FUT8: variants seen among roughly 807,000 people sequenced by gnomAD.
FUT8 encodes fucosyltransferase 8, also known as alpha-(1,6)-fucosyltransferase.
A neutral mutation model predicts 71.3 loss-of-function variants in FUT8; 29 were observed. The ratio of observed to expected loss-of-function variants is 0.41; its 90% CI spans 0.30 to 0.55. The LOEUF (loss-of-function observed/expected upper bound fraction) is 0.55. Among genes scored for constraint, FUT8 ranks in the 20% least tolerant of loss-of-function variants. The probability of loss-of-function intolerance (pLI) is 0.34; values close to 1 mark genes in which losing one functional copy is unlikely to be tolerated. For synonymous variants in FUT8, 254 were observed against 239.3 expected (o/e 1.06, Z -0.57); for missense variants, 544 against 702.1 (o/e 0.77, Z 2.55).
intron 2 of FUT8, among the ~76,000 whole-genome samples, chr14:65,541,107 T>G (rs1884654382): frequency 6.6e-6 from 1 of 152,238 alleles, no homozygotes; most frequent in Admixed American, 6.5e-5. Context: ...TCAAGTGTCT[T>G]ATCTCAAAAT....
At chr14:65,531,280 A>G (rs1883939062) in intron 2 of FUT8, among the ~76,000 whole-genome samples, 1 of 152,006 alleles carries the variant, frequency 6.6e-6, no homozygotes, top group South Asian at 2.1e-4. Context: ...TTCATTCTTT[A>G]TTATTTAGTG....
chr14:65,403,527 C>T, the FUT8 span, among the ~76,000 whole-genome samples: 1 of 152,196 alleles, frequency 6.6e-6, no homozygotes, highest in Non-Finnish European at 1.5e-5. Context: ...GACAGATAGG[C>T]AGGATCTCTG....
At chr14:65,512,956 T>TCCAAGA (rs1882461655) in intron 2 of FUT8, among the ~76,000 whole-genome samples, 1 of 151,710 alleles carries the variant, frequency 6.6e-6, no homozygotes, top group South Asian at 2.1e-4. Context: ...TCTTTCCCAT[T>TCCAAGA]CCAAGACCAT....
chr14:65,391,972 G>A, the FUT8 span, among the ~76,000 whole-genome samples: 7 of 152,108 alleles, frequency 4.6e-5, no homozygotes, highest in African/African-American at 1.4e-4. Context: ...TGCTCTTGTT[G>A]GCCAGGCTGG....
intron 5 of FUT8, chr14:65,616,985 G>T: frequency 1.6e-6 from 2 of 1,252,928 alleles, no homozygotes; most frequent in South Asian, 1.6e-5. Flanking sequence ...AAAACATTTT[G>T]GTGCTGTTGT....
chr14:65,532,521 T>C (rs1348477007), intron 2 of FUT8, among the ~76,000 whole-genome samples: 1 of 152,166 alleles, frequency 6.6e-6, no homozygotes, highest in South Asian at 2.1e-4. Context: ...CTTATAGATG[T>C]TGGAAATTAG....
At chr14:65,668,696 A>G (rs993069472) in intron 6 of FUT8, among the ~76,000 whole-genome samples, 2 of 152,230 alleles carry the variant, frequency 1.3e-5, no homozygotes, top group Non-Finnish European at 2.9e-5. Flanking sequence ...CCAAAGGAAT[A>G]TAAATCATTC....
rs576551974 is a variant in FUT8, at chr14:65,627,216, T to C, written c.483-2276T>C. 6.6e-6 allele frequency among the ~76,000 whole-genome samples: 1 copy of C among 151,982 alleles called. No individual in the cohort carries two copies. Among genetic ancestry groups the C allele is most frequent in the Non-Finnish European group, 1.5e-5 (1 of 67,992 alleles). On this transcript the variant is annotated intron_variant, in intron 5 of 10. Coordinates refer to ENST00000673929, the MANE Select transcript of FUT8 (RefSeq NM_001371533.1). This position sits in a 1 kb window ranked among gnomAD's most constrained non-coding sequence, Gnocchi z 4.0. ...AAGATAAGAAGTAAGTAATATTGTA[T>C]ATTGGAAAATGATAACTGCTTAGAA... is the stretch of plus-strand genomic sequence containing the variant.
chr14:65,624,040 T>C (rs1289444076), intron 5 of FUT8, among the ~76,000 whole-genome samples: 1 of 152,210 alleles, frequency 6.6e-6, no homozygotes, highest in African/African-American at 2.4e-5. Context: ...GATTTGATTA[T>C]CTTCTTGTCT....
chr14:65,378,837 G>GTT, the FUT8 span, among the ~76,000 whole-genome samples: 475 of 66,822 alleles, frequency 7.1e-3, 95 homozygotes, highest in East Asian at 0.057. Context: ...TCACAAGAAG[G>GTT]TTTTTTTTTT....
rs1458852691 is a variant in FUT8 at position 65,661,010 on chromosome 14, A to G, written c.598-8233A>G. Among the ~76,000 whole-genome samples the G allele has an allele frequency of 3.9e-5, 6 of 152,212 alleles. No homozygotes were observed. In the East Asian group the frequency reaches 7.7e-4, roughly 20 times the overall value. The stretch of plus-strand genomic sequence containing the variant: ...CTTTTTAAACAAATAAAAACTGTTT[A>G]GTCTTCTGATTAGAGCAGACAAAGA... On this transcript the variant is annotated intron_variant, in intron 6 of 10. Coordinates refer to ENST00000673929, the MANE Select transcript of FUT8 (RefSeq NM_001371533.1).
intron 2 of FUT8, among the ~76,000 whole-genome samples, chr14:65,538,415 C>T (rs1884474545): frequency 6.6e-6 from 1 of 152,160 alleles, no homozygotes; most frequent in Non-Finnish European, 1.5e-5. Context: ...TCTTTCAGTG[C>T]CTTCCCTCTG....
chr14:65,616,499 G>A lies in FUT8; in HGVS notation c.482+126G>A, dbSNP rs186342230. 4.7e-4 allele frequency: 372 copies of A among 789,810 alleles called. 1 individual carries two copies. The highest frequency in any genetic ancestry group is 4.5e-4 in the African/African-American group (26 of 58,226). The allele number at this position is 789,810 out of a possible 1,614,324, so 48.9% of individuals were successfully genotyped here. ...ATAGCACCTACAATATTTAAGAGGC[G>A]AAGAGTACCTGAGGTCCCAAAGGAT... On this transcript the variant is annotated intron_variant, in intron 5 of 10. Transcript: ENST00000673929.
At chr14:65,635,806 A>G (rs1890519261) in intron 6 of FUT8, among the ~76,000 whole-genome samples, 1 of 151,962 alleles carries the variant, frequency 6.6e-6, no homozygotes. Context: ...TTTTTCAGTT[A>G]ATGTCCTTTC....
chr14:65,512,225 G>A (rs548339020), intron 2 of FUT8, among the ~76,000 whole-genome samples: 41 of 152,260 alleles, frequency 2.7e-4, no homozygotes, highest in African/African-American at 8.4e-4. Context: ...GTGCGGTGGC[G>A]CGATCTCGGC....
intron 2 of FUT8, among the ~76,000 whole-genome samples, chr14:65,482,839 C>G (rs1251440905): frequency 6.6e-6 from 1 of 152,108 alleles, no homozygotes; most frequent in Non-Finnish European, 1.5e-5. Flanking sequence ...TGGAGAAACA[C>G]TGCAGAGAAG....
At chr14:65,662,540 A>T (rs752650015) in intron 6 of FUT8, among the ~76,000 whole-genome samples, 25 of 152,238 alleles carry the variant, frequency 1.6e-4, no homozygotes, top group Non-Finnish European at 8.8e-5. Context: ...TGTTGTTAGC[A>T]TATAAAGACT....
intron 1 of FUT8, among the ~76,000 whole-genome samples, chr14:65,424,682 C>T (rs1476616235): frequency 4.6e-5 from 7 of 151,090 alleles, no homozygotes; most frequent in Admixed American, 4.6e-4. Flanking sequence ...TTTTTTTGAC[C>T]CAGGGTCTCA....
At chr14:65,705,496 C>T (rs1467535686) in intron 7 of FUT8, among the ~76,000 whole-genome samples, 1 of 152,210 alleles carries the variant, frequency 6.6e-6, no homozygotes, top group Non-Finnish European at 1.5e-5. Context: ...AGCTAGTTAG[C>T]TTTCAGCCTT....
Sources: gnomAD v4.1 joint callset for allele counts (sites outside exome capture counted in the v4.1 genomes callset) on GRCh38, gnomAD v4.1.1 for gene constraint, Gnocchi (gnomAD v3.1) non-coding constraint, MANE v1.5 for transcripts, NCBI Gene and HGNC (gene_info 2026-07-23, HGNC 2026-07-21) for gene names.